CGN: variants seen among roughly 807,000 people sequenced by gnomAD.
The protein encoded by CGN is cingulin.
In CGN, 121 loss-of-function variants were observed where a neutral mutation model predicts 157.1. The ratio of observed to expected loss-of-function variants is 0.77; its 90% CI spans 0.66 to 0.90. CGN has a LOEUF of 0.90. Ranked by LOEUF, CGN falls within the 40% of genes least tolerant of loss-of-function variation. CGN has a pLI of 0.00. For missense variants in CGN, 1,424 were observed against 1,520.9 expected (o/e 0.94, Z 1.06); for synonymous variants, 535 against 607.5 (o/e 0.88, Z 1.76).
chr1:151,520,151 CTTT>C lies in CGN; in HGVS notation c.874-8_874-6del. 1 of 1,516,764 alleles carries C rather than the reference CTTT, an allele frequency of 6.6e-7. No homozygotes were observed. The highest frequency in any genetic ancestry group is 1.2e-5 in the South Asian group (1 of 81,374). 94.0% of individuals were successfully genotyped at this position (1,516,764 alleles called of 1,614,324 possible). ...CTTTCTTTCTTTTTTTTTTCTTTTT[CTTT>C]TTTTTTAACAGTTCAAATCAACTCC... is the stretch of plus-strand genomic sequence containing the variant. On this transcript the variant is annotated splice_polypyrimidine_tract_variant and intron_variant, in intron 2 of 20. Transcript: ENST00000271636.
chr1:151,526,314 G>A (rs1238452900), intron 9 of CGN, among the ~76,000 whole-genome samples: 3 of 151,722 alleles, frequency 2.0e-5, no homozygotes, highest in African/African-American at 4.8e-5. Context: ...GAGTAGCTGG[G>A]ATTATAGGCG....
At position 151,524,578 on chromosome 1, in the gene CGN, G is replaced by A; in HGVS notation, c.1402-96G>A. Reference sequence around the variant, plus strand: ...TACTGGTACTAGAGCACCTGGTACTGTGCCTAATACGATAAATATTTTTTG... The same window carrying A: ...TACTGGTACTAGAGCACCTGGTACTATGCCTAATACGATAAATATTTTTTG... On this transcript the variant is annotated intron_variant, in intron 7 of 20. Coordinates refer to ENST00000271636, the MANE Select transcript of CGN (RefSeq NM_020770.3). This position sits in a 1 kb window ranked among gnomAD's most constrained non-coding sequence, Gnocchi z 4.4. The A allele has an allele frequency of 8.1e-7, 1 of 1,230,332 alleles. No homozygotes were observed. Among genetic ancestry groups the A allele is most frequent in the Non-Finnish European group, 1.1e-6 (1 of 872,650 alleles). The allele number at this position is 1,230,332 out of a possible 1,614,324, so 76.2% of individuals were successfully genotyped here. A position where few individuals can be genotyped will look rare whatever the true frequency, so the allele number is the denominator to read the frequency against.
chr1:151,522,276 A>G (rs991138901), intron 5 of CGN, among the ~76,000 whole-genome samples: 5 of 152,068 alleles, frequency 3.3e-5, no homozygotes, highest in African/African-American at 9.7e-5. Flanking sequence ...TCTCAAAAAA[A>G]TATAAATAAG....
chr1:151,528,296 A>AT lies in CGN; in HGVS notation c.1897-1046dup, dbSNP rs564375764. Among the ~76,000 whole-genome samples, 151 of 150,604 alleles carry AT rather than the reference A, an allele frequency of 1.0e-3. 3 individuals carry two copies. The highest frequency in any genetic ancestry group is 4.1e-3 in the East Asian group (21 of 5,116). On this transcript the variant is annotated intron_variant, in intron 10 of 20. Transcript: ENST00000271636. ...GCCACCGCACCCAGCCTCACACTGT[A>AT]TTTTTTTTAAACAACCAGCCTTACT...
At position 151,533,969 on chromosome 1, in the gene CGN, G is replaced by A; in HGVS notation, c.2743-6G>A. The A allele has an allele frequency of 1.2e-6, 2 of 1,604,618 alleles. No individual in the cohort carries two copies. Among genetic ancestry groups the A allele is most frequent in the Non-Finnish European group, 1.7e-6 (2 of 1,177,158 alleles). On this transcript the variant is annotated splice_region_variant and splice_polypyrimidine_tract_variant and intron_variant, in intron 14 of 20. Transcript: ENST00000271636. ...CTGAGCTGTGGCATTTTTACCCCCT[G>A]CCCAGATCCAGAGGCTGCGGCAGGC...
rs144015295 is a variant in CGN, at chr1:151,532,682, C to T, written c.2742+110C>T. 5,166 of 871,664 alleles carry T rather than the reference C, an allele frequency of 5.9e-3. 210 individuals are homozygous for T. In the African/African-American group the frequency reaches 0.085, roughly 14 times the overall value. 54.0% of individuals were successfully genotyped at this position (871,664 alleles called of 1,614,324 possible). Reference sequence around the variant, plus strand: ...TCGCCCAGGCTGGAGTTCAGTGGCGCGATCTTGGCTCACTGCAAGCTCTGC... The same window carrying T: ...TCGCCCAGGCTGGAGTTCAGTGGCGTGATCTTGGCTCACTGCAAGCTCTGC... On this transcript the variant is annotated intron_variant, in intron 14 of 20. Transcript: ENST00000271636.
At position 151,518,619 on chromosome 1, in the gene CGN, A is replaced by C. The variant is rs756846779; in HGVS notation, c.100A>C (p.Thr34Pro). Residue 34 changes from threonine to proline, a missense_variant, in exon 2 of 21, where the codon ACT (threonine) becomes CCT (proline). By Grantham distance (38) the Thr-to-Pro change is conservative. Around this residue, in one of 3 missense-constraint regions of CGN, gnomAD observed 1,187 missense variants for 1,217.6 expected, o/e 0.97. Transcript: ENST00000271636. ...TEPVSGAEMG[T>P]LRRGGRRPAK... The stretch of plus-strand genomic sequence containing the variant: ...GCCAGTGAGTGGTGCAGAGATGGGC[A>C]CTCTACGTCGAGGTGGACGACGCCC... 1 of 1,613,984 alleles carries C rather than the reference A, an allele frequency of 6.2e-7. No individual in the cohort carries two copies. The highest frequency in any genetic ancestry group is 1.1e-5 in the South Asian group (1 of 91,068).
In CGN at chr1:151,518,560, T is replaced by C; in HGVS notation, c.41T>C (p.Val14Ala). 1 of 1,612,878 alleles carries C rather than the reference T, an allele frequency of 6.2e-7. No homozygotes were observed. Among genetic ancestry groups the C allele is most frequent in the Non-Finnish European group, 8.5e-7 (1 of 1,178,966 alleles). ...APNMAEPRGP[V>A]DHGVQIRFIT... The stretch of plus-strand genomic sequence containing the variant: ...AACATGGCTGAGCCCCGGGGCCCCG[T>C]AGACCATGGAGTCCAGATTCGCTTC... Residue 14 changes from valine to alanine, a missense_variant, in exon 2 of 21, where the codon GTA becomes GCA. Val to Ala is a moderately conservative substitution (Grantham distance 64). This residue lies in a region of CGN where 1,187 missense variants were observed against 1,217.6 expected (regional missense o/e 0.97). Coordinates refer to ENST00000271636, the MANE Select transcript of CGN (RefSeq NM_020770.3).
At chr1:151,528,498 A>G (rs1266007634) in intron 10 of CGN, among the ~76,000 whole-genome samples, 1 of 151,094 alleles carries the variant, frequency 6.6e-6, no homozygotes. Context: ...GCTCACTGCA[A>G]CCTCTGCCTT....
In CGN at chr1:151,527,001, A is replaced by T. The variant is rs770616223; in HGVS notation, c.1790A>T (p.Glu597Val). 5.1e-5 allele frequency: 82 copies of T among 1,613,962 alleles called. No homozygotes were observed. The highest frequency in any genetic ancestry group is 1.3e-4 in the Admixed American group (8 of 59,982). ...QELLQLRMEK[E>V]EMEEELGEKI... ...CTCCTGCAGCTGCGAATGGAGAAGG[A>T]GGAGATGGAAGAGGAGCTTGGAGAG... The change falls in exon 10 of 21, where the codon GAG becomes GTG. Residue 597 changes from glutamate (E) to valine (V), a missense_variant. Coordinates refer to ENST00000271636, the MANE Select transcript of CGN (RefSeq NM_020770.3).
chr1:151,529,838 T>C (rs1664788770), intron 11 of CGN, 71 bp from the exon 12 acceptor site: 1 of 1,424,542 alleles, frequency 7.0e-7, no homozygotes, highest in African/African-American at 1.4e-5. Context: ...GTGTGGTCAA[T>C]GGCCCCAAGC....
chr1:151,529,190 T>C (rs1267445571), intron 10 of CGN, among the ~76,000 whole-genome samples, 160 bp from the exon 11 acceptor site: 1 of 152,244 alleles, frequency 6.6e-6, no homozygotes. Flanking sequence ...ATATAAATGG[T>C]AAATCTGTGT....
chr1:151,537,004 C>G (rs1664983252), intron 20 of CGN, 111 bp downstream of exon 20: 2 of 1,315,010 alleles, frequency 1.5e-6, no homozygotes, highest in Admixed American at 5.2e-5. Flanking sequence ...TGTGTAGTCA[C>G]TTGTTTCTGG....
At position 151,525,723 on chromosome 1, in the gene CGN, G is replaced by A. The variant is rs1664661077; in HGVS notation, c.1696G>A (p.Glu566Lys). Residue 566 changes from glutamate (E) to lysine (K), a missense_variant, in exon 9 of 21, where the codon GAG becomes AAG. Glu to Lys is a moderately conservative substitution (Grantham distance 56). This residue lies in a region of CGN where 1,187 missense variants were observed against 1,217.6 expected (regional missense o/e 0.97). Transcript: ENST00000271636. ...GLQRELEETS[E>K]ETGHWQSMFQ... ...GCAGAGGGAGCTGGAGGAGACTTCA[G>A]AGGAGACAGGGCATTGGCAGAGTAT... 6.2e-7 allele frequency: 1 copy of A among 1,612,294 alleles called. No individual in the cohort carries two copies.
In CGN at chr1:151,525,795, G is replaced by A. The variant is rs772673455; in HGVS notation, c.1763+5G>A. On this transcript the variant is annotated splice_donor_5th_base_variant and intron_variant, in intron 9 of 20. Coordinates refer to ENST00000271636, the MANE Select transcript of CGN (RefSeq NM_020770.3). ...TCTTAGAGCCACCAAGCAGGAGTAA[G>A]GACATTGGCCCTCTCAGAAATACCC... The A allele has an allele frequency of 1.0e-5, 16 of 1,553,874 alleles. No homozygotes were observed. In the South Asian group the frequency reaches 1.9e-4, roughly 19 times the overall value.
intron 13 of CGN, among the ~76,000 whole-genome samples, chr1:151,531,612 C>T (rs536953820): frequency 6.6e-6 from 1 of 152,112 alleles, no homozygotes; most frequent in African/African-American, 2.4e-5. Flanking sequence ...CTGTGACTGC[C>T]CCACTGCGCT....
At chr1:151,525,111 G>A (rs1251421018) in intron 8 of CGN, among the ~76,000 whole-genome samples, 1 of 152,168 alleles carries the variant, frequency 6.6e-6, no homozygotes, top group Non-Finnish European at 1.5e-5. Flanking sequence ...AAAGTCCCAA[G>A]GGGGACTGGG....
chr1:151,521,058 T>C (rs1251946549), intron 5 of CGN, among the ~76,000 whole-genome samples: 1 of 152,196 alleles, frequency 6.6e-6, no homozygotes, highest in Non-Finnish European at 1.5e-5. Context: ...GAGTATAATT[T>C]TGGTAGTATG....
rs1664773772 is a variant in CGN at position 151,529,342 on chromosome 1, C to G, written c.1897-8C>G. The G allele has an allele frequency of 6.2e-7, 1 of 1,612,158 alleles. No homozygotes were observed. The highest frequency in any genetic ancestry group is 1.3e-5 in the African/African-American group (1 of 74,856). On this transcript the variant is annotated splice_region_variant and splice_polypyrimidine_tract_variant and intron_variant, in intron 10 of 20. Coordinates refer to ENST00000271636, the MANE Select transcript of CGN (RefSeq NM_020770.3). ...GGGTGCCCCATCACCATTCCCGTTT[C>G]CTTCCAGGAGCTGCTCCGGACACAG...
Sources: allele counts gnomAD v4.1 joint callset (sites outside exome capture counted in the v4.1 genomes callset), GRCh38; gene constraint gnomAD v4.1.1; regional missense constraint gnomAD v4.1.1; non-coding constraint Gnocchi (gnomAD v3.1); transcripts MANE v1.5; gene names NCBI Gene and HGNC (gene_info 2026-07-23, HGNC 2026-07-21).